The following GRIP2 variants were observed in gnomAD, a reference collection of about 807,000 sequenced individuals.
The protein encoded by GRIP2 is glutamate receptor interacting protein 2, also known as glutamate receptor-interacting protein 2.
A neutral mutation model predicts 108.3 loss-of-function variants in GRIP2; 58 were observed. The observed-to-expected ratio is 0.54, with a 90% CI of 0.43 to 0.67. GRIP2 has a LOEUF of 0.67. Ranked by LOEUF, GRIP2 falls within the 30% of genes least tolerant of loss-of-function variation. The pLI is 0.00. For missense variants in GRIP2, 1,278 were observed against 1,430.6 expected (o/e 0.89, Z 1.72); for synonymous variants, 586 against 598.2 (o/e 0.98, Z 0.30).
chr3:14,585,034 T>C, the GRIP2 span, among the ~76,000 whole-genome samples: 1 of 152,234 alleles, frequency 6.6e-6, no homozygotes, highest in Non-Finnish European at 1.5e-5. Flanking sequence ...TTTTTTGTTG[T>C]GGTTTTTTGA....
upstream of GRIP2, among the ~76,000 whole-genome samples, chr3:14,559,738 G>T (rs1485437579): frequency 6.6e-6 from 1 of 152,146 alleles, no homozygotes; most frequent in East Asian, 1.9e-4. Context: ...ACAAGAAACG[G>T]AACTGAGGAA....
In GRIP2 at chr3:14,512,648, C is replaced by A. The variant is rs1027315887; in HGVS notation, c.1720+129G>T. On this transcript the variant is annotated intron_variant, in intron 14 of 23. Coordinates refer to ENST00000621039, the MANE Select transcript of GRIP2 (RefSeq NM_001080423.4). The surrounding 1 kb of genome is among the most constrained non-coding windows in gnomAD (Gnocchi z 5.1). ...GTCCACGGAAGCCAGCCTCCCCACACCCCCAAGCCTTTTCCTCGGGCCCCG... is the reference window on the plus strand; with the variant it reads ...GTCCACGGAAGCCAGCCTCCCCACAACCCCAAGCCTTTTCCTCGGGCCCCG... The A allele has an allele frequency of 8.5e-6, 7 of 827,796 alleles. No individual in the cohort carries two copies. Among genetic ancestry groups the A allele is most frequent in the Admixed American group, 2.4e-5 (1 of 42,152 alleles). The allele number at this position is 827,796 out of a possible 1,614,324, so 51.3% of individuals were successfully genotyped here. A position where few individuals can be genotyped will look rare whatever the true frequency, so the allele number is the denominator to read the frequency against.
At chr3:14,590,773 G>C in the GRIP2 span, among the ~76,000 whole-genome samples, 1 of 152,222 alleles carries the variant, frequency 6.6e-6, no homozygotes, top group Admixed American at 6.5e-5. Context: ...AGCTGAGCAG[G>C]TGATTAAGTG....
Position 14,522,822 on chromosome 3 carries a change from T to G in GRIP2, c.566+178A>C. On this transcript the variant is annotated intron_variant, in intron 6 of 23. Coordinates refer to ENST00000621039, the MANE Select transcript of GRIP2 (RefSeq NM_001080423.4). The surrounding 1 kb of genome is among the most constrained non-coding windows in gnomAD (Gnocchi z 4.3). ...AAGAAAGGGCTCGAGGTTTCCCTCA[T>G]TTGGGGTTACATCCCGGTTCCATCA... 4 of 598,446 alleles carry G rather than the reference T, an allele frequency of 6.7e-6. No homozygotes were observed. The highest frequency in any genetic ancestry group is 3.1e-5 in the East Asian group (1 of 32,730). The allele number at this position is 598,446 out of a possible 1,614,324, so 37.1% of individuals were successfully genotyped here. A position where few individuals can be genotyped will look rare whatever the true frequency, so the allele number is the denominator to read the frequency against.
Position 14,511,505 on chromosome 3 carries a change from G to A in GRIP2, c.1721-26C>T. The A allele has an allele frequency of 1.2e-6, 2 of 1,610,568 alleles. No individual in the cohort carries two copies. The highest frequency in any genetic ancestry group is 1.7e-6 in the Non-Finnish European group (2 of 1,178,690). ...CTGGAGAAAAAGAGGCCATGAATCT[G>A]ACCTTGGTGGCCTCAGCCTGGGGTG... is the stretch of plus-strand genomic sequence containing the variant. On this transcript the variant is annotated intron_variant, in intron 14 of 23. Transcript: ENST00000621039. The surrounding 1 kb of genome is among the most constrained non-coding windows in gnomAD (Gnocchi z 4.1).
In GRIP2 at chr3:14,522,732, G is replaced by A; in HGVS notation, c.566+268C>T. 1 of 466,604 alleles carries A rather than the reference G, an allele frequency of 2.1e-6. No homozygotes were observed. The highest frequency in any genetic ancestry group is 2.0e-5 in the African/African-American group (1 of 49,524). 28.9% of individuals were successfully genotyped at this position (466,604 alleles called of 1,614,324 possible). ...CGGGAAAACCAAGGAGCAGGAAAGG[G>A]AAGAACGACACCAAGGCTGCCCCTC... On this transcript the variant is annotated intron_variant, in intron 6 of 23. Coordinates refer to ENST00000621039, the MANE Select transcript of GRIP2 (RefSeq NM_001080423.4). This position sits in a 1 kb window ranked among gnomAD's most constrained non-coding sequence, Gnocchi z 4.3.
Position 14,521,675 on chromosome 3 carries a change from G to C in GRIP2, c.679C>G (p.Leu227Val). 1 of 1,612,088 alleles carries C rather than the reference G, an allele frequency of 6.2e-7. No individual in the cohort carries two copies. The highest frequency in any genetic ancestry group is 8.5e-7 in the Non-Finnish European group (1 of 1,179,186). The change falls in exon 7 of 24, where the codon CTC becomes GTC. Residue 227 changes from leucine (L) to valine (V), a missense_variant. By Grantham distance (32) the Leu-to-Val change is conservative. Transcript: ENST00000621039. The surrounding 1 kb of genome is among the most constrained non-coding windows in gnomAD (Gnocchi z 5.1). ...ATLRQCSHEA[L>V]FQVEYDVATP... ...GCCACATCATACTCCACCTGAAAGA[G>C]TGCCTCGTGGCTGCACTGCCGCAGG...
chr3:14,493,834 G>C lies in GRIP2; in HGVS notation c.2971-8C>G. The C allele has an allele frequency of 6.2e-7, 1 of 1,608,772 alleles. No homozygotes were observed. Among genetic ancestry groups the C allele is most frequent in the Non-Finnish European group, 8.5e-7 (1 of 1,176,312 alleles). ...TGTACGGACGTGGTTGACCTGCATG[G>C]GGCACAAGCAAGGGAACAGAACCGA... On this transcript the variant is annotated splice_region_variant and splice_polypyrimidine_tract_variant and intron_variant, in intron 23 of 23. Transcript: ENST00000621039.
chr3:14,566,168 A>G, the GRIP2 span, among the ~76,000 whole-genome samples: 1 of 152,216 alleles, frequency 6.6e-6, no homozygotes, highest in Non-Finnish European at 1.5e-5. Context: ...CTGGCCATTC[A>G]AACGAGCCAC....
the GRIP2 span, among the ~76,000 whole-genome samples, chr3:14,592,400 G>A: frequency 1.3e-5 from 2 of 152,206 alleles, no homozygotes; most frequent in African/African-American, 2.4e-5. Flanking sequence ...GACAGGCTCT[G>A]TGTCTCCAGC....
intron 1 of GRIP2, among the ~76,000 whole-genome samples, chr3:14,530,013 C>T (rs891309600): frequency 6.6e-5 from 10 of 152,188 alleles, no homozygotes; most frequent in African/African-American, 2.4e-4. Context: ...AAATACCAAT[C>T]TTGGCTCAAA....
chr3:14,594,904 A>T, the GRIP2 span, among the ~76,000 whole-genome samples: 3 of 149,140 alleles, frequency 2.0e-5, no homozygotes, highest in Non-Finnish European at 4.4e-5. Flanking sequence ...GTTAGCTGTT[A>T]TTATTATTAT....
chr3:14,549,646 A>G (rs768850768), intron 1 of GRIP2, among the ~76,000 whole-genome samples: 1 of 152,210 alleles, frequency 6.6e-6, no homozygotes, highest in Non-Finnish European at 1.5e-5. Flanking sequence ...AAATGGGAAC[A>G]TAAGCCTCTA....
intron 1 of GRIP2, among the ~76,000 whole-genome samples, chr3:14,539,957 G>T (rs1033937869): frequency 6.6e-6 from 1 of 152,144 alleles, no homozygotes; most frequent in Non-Finnish European, 1.5e-5. Flanking sequence ...AAAAGGCTTC[G>T]CTCACACCCA....
At chr3:14,584,281 T>C in the GRIP2 span, among the ~76,000 whole-genome samples, 285 of 152,210 alleles carry the variant, frequency 1.9e-3, no homozygotes, top group African/African-American at 6.6e-3. Context: ...CCCTTCTCTA[T>C]TGAAAGGGAA....
chr3:14,536,783 CCATT>C (rs1234147067), intron 1 of GRIP2, among the ~76,000 whole-genome samples: 8 of 152,226 alleles, frequency 5.3e-5, no homozygotes, highest in East Asian at 1.9e-4. Flanking sequence ...ACCCACAGAA[CCATT>C]CAGTTTCCCA....
In GRIP2 at chr3:14,505,654, G is replaced by A. The variant is rs753655527; in HGVS notation, c.2534C>T (p.Pro845Leu). The A allele has an allele frequency of 6.8e-6, 11 of 1,609,974 alleles. No individual in the cohort carries two copies. The South Asian group carries it at 1.2e-4, about 18-fold the overall frequency. ...YTPTPADESF[P>L]EEEEEDDWEP... ...CCAATCATCCTCCTCCTCCTCCTCT[G>A]GAAAGCTCTCGTCAGCTGGGGTTGG... Residue 845 changes from proline (P) to leucine (L), a missense_variant, in exon 20 of 24, where the codon CCA becomes CTA. Transcript: ENST00000621039. This position sits in a 1 kb window ranked among gnomAD's most constrained non-coding sequence, Gnocchi z 4.2.
At chr3:14,509,494 G>A (rs1024615611) in intron 17 of GRIP2, among the ~76,000 whole-genome samples, 4 of 152,222 alleles carry the variant, frequency 2.6e-5, no homozygotes, top group East Asian at 1.9e-4. Context: ...ATCCTATTCC[G>A]CACACAGCAG....
At position 14,531,368 on chromosome 3, in the gene GRIP2, T is replaced by C. The variant is rs59574538; in HGVS notation, c.41-5437A>G. 4.4e-3 allele frequency among the ~76,000 whole-genome samples: 673 copies of C among 152,368 alleles called. 9 individuals carry two copies. The highest frequency in any genetic ancestry group is 0.015 in the African/African-American group (643 of 41,588). ...GTCCTTACTTTCCTGTGACTGCACC[T>C]GAGCATTTCAAAGGAGTTTGAAGCT... is the stretch of plus-strand genomic sequence containing the variant. On this transcript the variant is annotated intron_variant, in intron 1 of 23. Transcript: ENST00000621039.
Sources: allele counts gnomAD v4.1 joint callset (sites outside exome capture counted in the v4.1 genomes callset), GRCh38; gene constraint gnomAD v4.1.1; non-coding constraint Gnocchi (gnomAD v3.1); transcripts MANE v1.5; gene names NCBI Gene and HGNC (gene_info 2026-07-23, HGNC 2026-07-21).